Variants in STOX1 observed in about 807,000 individuals in gnomAD.
STOX1 encodes the protein storkhead-box protein 1.
STOX1 carries 57 observed loss-of-function variants against 74.8 expected under a neutral mutation model. The observed-to-expected ratio is 0.76, with a 90% CI of 0.62 to 0.95. The LOEUF is 0.95. STOX1 is among the 40% of genes least tolerant of loss of function. STOX1 has a pLI of 0.00. For synonymous variants in STOX1, 375 were observed against 401.3 expected, an observed-to-expected ratio of 0.93 and a Z score of 0.78; for missense variants, 1,010 against 1,117.0, an observed-to-expected ratio of 0.90 and a Z score of 1.37.
intron 3 of STOX1, 59 bp downstream of exon 3, chr10:68,886,677 C>G: frequency 6.5e-7 from 1 of 1,541,854 alleles, no homozygotes; most frequent in Non-Finnish European, 8.9e-7. Flanking sequence ...GCCTGTAATC[C>G]CAGCATTTTG....
chr10:68,889,026 G>A (rs1484351399), intron 3 of STOX1, among the ~76,000 whole-genome samples: 1 of 151,908 alleles, frequency 6.6e-6, no homozygotes, highest in African/African-American at 2.4e-5. Context: ...TCTGTCACCA[G>A]CTGGAGTGCA....
At chr10:68,842,746 G>T (rs1021319547) in intron 1 of STOX1, among the ~76,000 whole-genome samples, 1 of 151,716 alleles carries the variant, frequency 6.6e-6, no homozygotes, top group Non-Finnish European at 1.5e-5. Flanking sequence ...TCACCATCTC[G>T]GCCAGGCTGA....
chr10:68,845,174 C>G (rs1344973615), intron 1 of STOX1, among the ~76,000 whole-genome samples: 1 of 152,106 alleles, frequency 6.6e-6, no homozygotes, highest in African/African-American at 2.4e-5. Context: ...GCGATCACAG[C>G]TCACTGCAGC....
At position 68,885,889 on chromosome 10, in the gene STOX1, G is replaced by A. The variant is rs1195175619; in HGVS notation, c.2093G>A (p.Gly698Glu). The A allele has an allele frequency of 6.2e-7, 1 of 1,614,128 alleles. No individual in the cohort carries two copies. The change falls in exon 3 of 4, where the codon GGA (glycine) becomes GAA (glutamate). Residue 698 changes from glycine (G) to glutamate (E), a missense_variant. By Grantham distance (98) the Gly-to-Glu change is moderately conservative (BLOSUM62 -2). Coordinates refer to ENST00000298596, the MANE Select transcript of STOX1 (RefSeq NM_152709.5). ...DKDSEELLRK[G>E]FVQDAETTSL... ...GACTCAGAAGAATTATTGAGAAAAGGATTTGTCCAGGATGCAGAGACTACA... is the reference window on the plus strand; with the variant it reads ...GACTCAGAAGAATTATTGAGAAAAGAATTTGTCCAGGATGCAGAGACTACA...
intron 1 of STOX1, among the ~76,000 whole-genome samples, chr10:68,843,535 G>GTTT (rs1327954552): frequency 6.6e-6 from 1 of 151,698 alleles, no homozygotes; most frequent in Non-Finnish European, 1.5e-5. Flanking sequence ...TTTGTTACCG[G>GTTT]TTTTTTTGTT....
chr10:68,887,951 T>C (rs1431644143), intron 3 of STOX1, among the ~76,000 whole-genome samples: 1 of 152,154 alleles, frequency 6.6e-6, no homozygotes, highest in African/African-American at 2.4e-5. Flanking sequence ...ATAAAAATAG[T>C]ATAGCCATGA....
Position 68,884,991 on chromosome 10 carries a change from A to T in STOX1, c.1195A>T (p.Met399Leu), listed in dbSNP as rs1202703621. The change falls in exon 3 of 4, where the codon ATG (methionine) becomes TTG (leucine). Residue 399 changes from methionine (M) to leucine (L), a missense_variant. Transcript: ENST00000298596. The part of the protein sequence containing the change: ...KYNSQGTSTD[M>L]LTIGHKYPSK... Reference sequence around the variant, plus strand: ...TAATAGCCAGGGCACTTCCACTGACATGCTGACAATCGGGCATAAGTATCC... The same window carrying T: ...TAATAGCCAGGGCACTTCCACTGACTTGCTGACAATCGGGCATAAGTATCC... 6.2e-7 allele frequency: 1 copy of T among 1,614,228 alleles called. No homozygotes were observed. Among genetic ancestry groups the T allele is most frequent in the East Asian group, 2.2e-5 (1 of 44,890 alleles).
chr10:68,862,786 A>T (rs1253564628), intron 1 of STOX1, among the ~76,000 whole-genome samples: 1 of 152,118 alleles, frequency 6.6e-6, no homozygotes, highest in Non-Finnish European at 1.5e-5. Context: ...GGGACCAATC[A>T]ATAATGATTC....
At chr10:68,857,365 G>A (rs1349951411) in intron 1 of STOX1, among the ~76,000 whole-genome samples, 2 of 152,032 alleles carry the variant, frequency 1.3e-5, no homozygotes, top group African/African-American at 4.8e-5. Context: ...CATCTTTGCT[G>A]CCTGGAGACA....
intron 1 of STOX1, chr10:68,846,837 C>G (rs1461014573): frequency 6.6e-6 from 1 of 152,098 alleles, no homozygotes; most frequent in Non-Finnish European, 1.5e-5. Context: ...TACTAAAATT[C>G]AAACGATATA....
intron 1 of STOX1, among the ~76,000 whole-genome samples, chr10:68,842,284 C>G (rs1839710917): frequency 6.6e-6 from 1 of 152,118 alleles, no homozygotes; most frequent in Non-Finnish European, 1.5e-5. Context: ...TTTCAGAGGC[C>G]ATCCTGGAGG....
rs550620857 is a variant in STOX1 at position 68,882,757 on chromosome 10, G to A, written c.463+647G>A. Among the ~76,000 whole-genome samples the A allele has an allele frequency of 9.2e-5, 14 of 152,200 alleles. No individual in the cohort carries two copies. The South Asian group carries it at 1.0e-3, about 11-fold the overall frequency. ...CATGATCCACCCGCCTTGGCCCCCC[G>A]AAGTGTTGGGATTACAGGCAAGGGC... On this transcript the variant is annotated intron_variant, in intron 2 of 3. Coordinates refer to ENST00000298596, the MANE Select transcript of STOX1 (RefSeq NM_152709.5).
intron 1 of STOX1, among the ~76,000 whole-genome samples, chr10:68,860,081 A>G (rs917976177): frequency 7.9e-5 from 12 of 151,790 alleles, no homozygotes; most frequent in Non-Finnish European, 5.9e-5. Flanking sequence ...CACGAGGTCC[A>G]GAGTTCGAGA....
chr10:68,832,746 G>A (rs1267863016), intron 1 of STOX1, among the ~76,000 whole-genome samples: 2 of 151,250 alleles, frequency 1.3e-5, no homozygotes, highest in South Asian at 2.1e-4. Context: ...GCCAGGTACT[G>A]TTCTAGGTGT....
At chr10:68,850,625 C>T (rs1452881129) in intron 1 of STOX1, among the ~76,000 whole-genome samples, 2 of 152,228 alleles carry the variant, frequency 1.3e-5, no homozygotes, top group African/African-American at 4.8e-5. Context: ...CAAAGTGTGG[C>T]ATGTATATTA....
intron 3 of STOX1, among the ~76,000 whole-genome samples, chr10:68,888,359 C>T (rs1371031337): frequency 1.3e-5 from 2 of 152,158 alleles, no homozygotes; most frequent in Non-Finnish European, 2.9e-5. Context: ...GCCTCGGCCT[C>T]CCAAAGTGCT....
rs41278534 is a variant in STOX1, at chr10:68,892,803, A to C, written c.*67A>C. On this transcript the variant is annotated 3_prime_UTR_variant, in exon 4 of 4. Coordinates refer to ENST00000298596, the MANE Select transcript of STOX1 (RefSeq NM_152709.5). ...AGCATTATTACAGAATCTTTCAATC[A>C]TGTAAGAATTGAGTATATAAGAATT... 50,741 of 1,508,988 alleles carry C rather than the reference A, an allele frequency of 0.034. 943 individuals carry two copies. Among genetic ancestry groups the C allele is most frequent in the Middle Eastern group, 0.053 (302 of 5,666 alleles). The allele number at this position is 1,508,988 out of a possible 1,614,324, so 93.5% of individuals were successfully genotyped here.
At chr10:68,838,966 A>G (rs1001646019) in intron 1 of STOX1, among the ~76,000 whole-genome samples, 4 of 151,292 alleles carry the variant, frequency 2.6e-5, no homozygotes, top group African/African-American at 9.7e-5. Context: ...TCCCAGTCTT[A>G]GAGGAAAAGC....
At chr10:68,855,032 C>G (rs1840085136) in intron 1 of STOX1, among the ~76,000 whole-genome samples, 1 of 151,988 alleles carries the variant, frequency 6.6e-6, no homozygotes, top group South Asian at 2.1e-4. Context: ...GTGAGAGGAT[C>G]CCTTGAACCT....
Sources: allele counts gnomAD v4.1 joint callset (sites outside exome capture counted in the v4.1 genomes callset), GRCh38; gene constraint gnomAD v4.1.1; transcripts MANE v1.5; gene names NCBI Gene and HGNC (gene_info 2026-07-23, HGNC 2026-07-21).